Variants in EPHA5 observed in about 807,000 individuals in gnomAD.
EPHA5 encodes the protein ephrin type-A receptor 5.
A neutral mutation model predicts 105.0 loss-of-function variants in EPHA5; 60 were observed. The observed-to-expected ratio is 0.57, with a 90% confidence interval of 0.46 to 0.71. The LOEUF (loss-of-function observed/expected upper bound fraction) is 0.71, where lower values mean the gene tolerates loss of function less well. Ranked by LOEUF, EPHA5 falls within the 30% of genes least tolerant of loss-of-function variation. EPHA5 has a pLI of 0.00. For synonymous variants in EPHA5, 513 were observed against 449.1 expected (o/e 1.14, Z -1.80); for missense variants, 1,218 against 1,274.7 (o/e 0.96, Z 0.68).
At chr4:65,404,526 T>A (rs191966151) in intron 7 of EPHA5, 47 bp from the exon 8 acceptor site, 2 of 1,539,256 alleles carry the variant, frequency 1.3e-6, no homozygotes, top group South Asian at 1.1e-5. Flanking sequence ...AGTGATCACA[T>A]GCATTCAAAA....
At position 65,348,036 on chromosome 4, in the gene EPHA5, G is replaced by C. The variant is rs764969069; in HGVS notation, c.2595+18C>G. 1 of 1,577,810 alleles carries C rather than the reference G, an allele frequency of 6.3e-7. No homozygotes were observed. The highest frequency in any genetic ancestry group is 1.4e-5 in the African/African-American group (1 of 73,144). ...AGCATTTCATTGTCAAGTTGGGAAA[G>C]AGTAGTTCCATACTCACATCTTGAT... On this transcript the variant is annotated intron_variant, in intron 14 of 16. Transcript: ENST00000613740.
chr4:65,521,740 A>T (rs1236407693), intron 3 of EPHA5, among the ~76,000 whole-genome samples: 1 of 152,016 alleles, frequency 6.6e-6, no homozygotes, highest in East Asian at 1.9e-4. Context: ...GTGTTGCTGA[A>T]ATATGCCCAA....
intron 3 of EPHA5, among the ~76,000 whole-genome samples, chr4:65,531,960 ACG>A (rs1735848050): frequency 6.6e-6 from 1 of 152,238 alleles, no homozygotes; most frequent in Non-Finnish European, 1.5e-5. Context: ...CCATGTGTAT[ACG>A]AGGCTTAATA....
chr4:65,573,898 C>G (rs184248190), intron 3 of EPHA5: 4 of 1,611,494 alleles, frequency 2.5e-6, no homozygotes, highest in Non-Finnish European at 3.4e-6. Context: ...AGCATTACCC[C>G]CGGGACCATT....
intron 1 of EPHA5, among the ~76,000 whole-genome samples, chr4:65,662,223 C>T (rs905811560): frequency 6.6e-6 from 1 of 152,096 alleles, no homozygotes; most frequent in African/African-American, 2.4e-5. Context: ...AGTAAAAGAA[C>T]AGACTGTATT....
intron 5 of EPHA5, among the ~76,000 whole-genome samples, chr4:65,465,219 C>A (rs1728495639): frequency 6.6e-6 from 1 of 151,880 alleles, no homozygotes. Flanking sequence ...AGGCGGTTCA[C>A]AGGGTCAGGA....
chr4:65,557,018 C>T (rs1738513219), intron 3 of EPHA5, among the ~76,000 whole-genome samples: 2 of 151,552 alleles, frequency 1.3e-5, no homozygotes, highest in Non-Finnish European at 2.9e-5. Flanking sequence ...CGGACAATTA[C>T]AGGACTCACT....
chr4:65,504,413 C>G (rs564144765), intron 3 of EPHA5, among the ~76,000 whole-genome samples: 1 of 151,020 alleles, frequency 6.6e-6, no homozygotes, highest in Non-Finnish European at 1.5e-5. Flanking sequence ...TAATCTAGGA[C>G]AGAAAGTTTG....
chr4:65,570,663 T>C (rs1461765149), intron 3 of EPHA5, among the ~76,000 whole-genome samples: 3 of 152,030 alleles, frequency 2.0e-5, no homozygotes, highest in Non-Finnish European at 2.9e-5. Flanking sequence ...CAGGTGGAAG[T>C]ATAGCTATGT....
rs532446044 is a variant in EPHA5, at chr4:65,320,696, A to G, written c.*3418T>C. The G allele has an allele frequency of 4.8e-5, 11 of 230,154 alleles. No homozygotes were observed. Among genetic ancestry groups the G allele is most frequent in the African/African-American group, 1.8e-4 (8 of 45,266 alleles). 14.3% of individuals were successfully genotyped at this position (230,154 alleles called of 1,614,324 possible). On this transcript the variant is annotated 3_prime_UTR_variant, in exon 17 of 17. Transcript: ENST00000613740. Reference sequence around the variant, plus strand: ...GATTAAGTAGAAGACATGAAAACACATAAGTGCTCAAATGATATTAACTTT... The same window carrying G: ...GATTAAGTAGAAGACATGAAAACACGTAAGTGCTCAAATGATATTAACTTT...
At chr4:65,493,522 G>A (rs1307932623) in intron 4 of EPHA5, among the ~76,000 whole-genome samples, 1 of 152,072 alleles carries the variant, frequency 6.6e-6, no homozygotes, top group Non-Finnish European at 1.5e-5. Context: ...GTGGTATTAT[G>A]AATGCAACTA....
rs200727716 is a variant in EPHA5, at chr4:65,342,034, A to T, written c.2596-5909T>A. ...TTTTTTCTTAGTGCATCAATCTTAG[A>T]TCAGTAGACTTCCAGAGATTAAAGA... On this transcript the variant is annotated intron_variant, in intron 14 of 16. Transcript: ENST00000613740. Among the ~76,000 whole-genome samples, 4 of 152,250 alleles carry T rather than the reference A, an allele frequency of 2.6e-5. No homozygotes were observed. In the East Asian group the frequency reaches 7.7e-4, roughly 29 times the overall value.
chr4:65,333,441 C>T (rs1163023582), intron 15 of EPHA5, among the ~76,000 whole-genome samples: 1 of 151,352 alleles, frequency 6.6e-6, no homozygotes, highest in African/African-American at 2.4e-5. Flanking sequence ...AACATTCAGC[C>T]AACACCACTA....
chr4:65,419,833 A>T (rs1324278206), intron 6 of EPHA5, among the ~76,000 whole-genome samples: 1 of 152,168 alleles, frequency 6.6e-6, no homozygotes, highest in African/African-American at 2.4e-5. Flanking sequence ...AGTTTATTAC[A>T]ACCTTGAGAC....
rs543167812 is a variant in EPHA5 at position 65,569,246 on chromosome 4, T to G, written c.910+32395A>C. Among the ~76,000 whole-genome samples, 110 of 151,580 alleles carry G rather than the reference T, an allele frequency of 7.3e-4. 1 individual carries two copies. The highest frequency in any genetic ancestry group is 6.1e-4 in the Non-Finnish European group (41 of 67,550). ...AAAATATTTAGAAAGCCAAATCCAG[T>G]AAATAATGTTAACTAAGGGTGAATG... is the stretch of plus-strand genomic sequence containing the variant. On this transcript the variant is annotated intron_variant, in intron 3 of 16. Transcript: ENST00000613740.
At chr4:65,385,458 A>G (rs2148940394) in intron 8 of EPHA5, among the ~76,000 whole-genome samples, 1 of 152,044 alleles carries the variant, frequency 6.6e-6, no homozygotes, top group South Asian at 2.1e-4. Context: ...TTTTGTGATA[A>G]ACATATTATG....
rs75749635 is a variant in EPHA5 at position 65,437,699 on chromosome 4, A to T, written c.1403-17134T>A. 8.5e-4 allele frequency among the ~76,000 whole-genome samples: 129 copies of T among 152,072 alleles called. 6 individuals are homozygous for T. In the East Asian group the frequency reaches 0.024, roughly 29 times the overall value. ...GGATTCAGAGTGAATCTAGAGCACA[A>T]CTTAAGTTCTGCCAAAATGTAGTAA... On this transcript the variant is annotated intron_variant, in intron 5 of 16. Coordinates refer to ENST00000613740, the MANE Select transcript of EPHA5 (RefSeq NM_001281766.3).
At chr4:65,371,091 T>A (rs1464753962) in intron 8 of EPHA5, among the ~76,000 whole-genome samples, 4 of 152,158 alleles carry the variant, frequency 2.6e-5, no homozygotes, top group Non-Finnish European at 4.4e-5. Flanking sequence ...ATGATGTCTT[T>A]TTTTTCTGAA....
chr4:65,462,121 T>A (rs913890376), intron 5 of EPHA5, among the ~76,000 whole-genome samples: 11 of 152,100 alleles, frequency 7.2e-5, no homozygotes, highest in African/African-American at 2.7e-4. Context: ...TTAGGAATCG[T>A]CTGTGTTGAT....
Sources: allele counts gnomAD v4.1 joint callset (sites outside exome capture counted in the v4.1 genomes callset), GRCh38; gene constraint gnomAD v4.1.1; transcripts MANE v1.5; gene names NCBI Gene and HGNC (gene_info 2026-07-23, HGNC 2026-07-21).